Variants in DLG2 observed in about 807,000 individuals in gnomAD.
The protein encoded by DLG2 is discs large MAGUK scaffold protein 2.
Under a neutral mutation model 132.5 loss-of-function variants are expected in DLG2, and 45 were observed. The observed-to-expected ratio is 0.34, with a 90% confidence interval of 0.27 to 0.44. The LOEUF is 0.44. DLG2 is among the 20% of genes least tolerant of loss of function. The probability of loss-of-function intolerance (pLI) is 1.00; values close to 1 mark genes in which losing one functional copy is unlikely to be tolerated. For missense variants in DLG2, 1,045 were observed against 1,196.9 expected, an observed-to-expected ratio of 0.87 and a Z score of 1.87; for synonymous variants, 424 against 419.6, an observed-to-expected ratio of 1.01 and a Z score of -0.13.
intron 4 of DLG2, among the ~76,000 whole-genome samples, chr11:85,184,929 T>C (rs184976596): frequency 6.6e-6 from 1 of 152,056 alleles, no homozygotes; most frequent in Non-Finnish European, 1.5e-5. Flanking sequence ...CAAGTTGTTA[T>C]GGCAACTGGG....
Position 83,469,316 on chromosome 11 carries a change from A to C in DLG2, c.2504T>G (p.Ile835Ser). 6.2e-7 allele frequency: 1 copy of C among 1,613,856 alleles called. No homozygotes were observed. The highest frequency in any genetic ancestry group is 8.5e-7 in the Non-Finnish European group (1 of 1,179,850). Residue 835 changes from isoleucine to serine, a missense_variant, in exon 25 of 28, where the codon ATT (isoleucine) becomes AGT (serine). Ile to Ser is a moderately radical substitution (Grantham distance 142). Around this residue, in one of 4 missense-constraint regions of DLG2, gnomAD observed 398 missense variants for 543.6 expected, o/e 0.73. Transcript: ENST00000376104. ...ATCTTTCTCCATTTGTTCTCTGGAAATGACAAAGTGATAGTCTCTGCCATC... is the reference window on the plus strand; with the variant it reads ...ATCTTTCTCCATTTGTTCTCTGGAACTGACAAAGTGATAGTCTCTGCCATC... ...EVDGRDYHFV[I>S]SREQMEKDIQ...
chr11:84,352,174 A>T (rs1475434596), intron 7 of DLG2, among the ~76,000 whole-genome samples: 1 of 152,230 alleles, frequency 6.6e-6, no homozygotes, highest in Non-Finnish European at 1.5e-5. Context: ...ACAGCATGGC[A>T]TGAAGTAGAT....
intron 11 of DLG2, among the ~76,000 whole-genome samples, chr11:84,033,019 T>C (rs910075174): frequency 1.3e-5 from 2 of 152,220 alleles, no homozygotes; most frequent in Non-Finnish European, 1.5e-5. Flanking sequence ...TTGCTCATTG[T>C]CGATGCACCT....
At chr11:83,734,378 T>A (rs1328883277) in intron 18 of DLG2, among the ~76,000 whole-genome samples, 1 of 146,362 alleles carries the variant, frequency 6.8e-6, no homozygotes, top group Non-Finnish European at 1.5e-5. Context: ...CTTCCTTCCT[T>A]CCTTCCTTCC....
intron 8 of DLG2, among the ~76,000 whole-genome samples, chr11:84,214,978 T>C (rs765456611): frequency 2.6e-5 from 4 of 152,210 alleles, no homozygotes; most frequent in Non-Finnish European, 5.9e-5. Context: ...AACTGTCACC[T>C]ATGGCAGAAG....
rs116722674 is a variant in DLG2 at position 83,499,494 on chromosome 11, T to A, written c.2194-15266A>T. Among the ~76,000 whole-genome samples, 1,053 of 152,156 alleles carry A rather than the reference T, an allele frequency of 6.9e-3. 18 individuals are homozygous for A. Among genetic ancestry groups the A allele is most frequent in the African/African-American group, 0.025 (1,020 of 41,522 alleles). Reference sequence around the variant, plus strand: ...TTAAAAGTTTTGACACACTGCCAAATTGCTTTCAAATAATCTGTACGAATT... The same window carrying A: ...TTAAAAGTTTTGACACACTGCCAAAATGCTTTCAAATAATCTGTACGAATT... On this transcript the variant is annotated intron_variant, in intron 21 of 27. Coordinates refer to ENST00000376104, the MANE Select transcript of DLG2 (RefSeq NM_001142699.3).
chr11:83,872,404 T>G (rs1595741350), intron 16 of DLG2, among the ~76,000 whole-genome samples: 1 of 152,206 alleles, frequency 6.6e-6, no homozygotes, highest in South Asian at 2.1e-4. Context: ...GTAAGTTTTC[T>G]TCCATTCTTA....
intron 6 of DLG2, among the ~76,000 whole-genome samples, chr11:84,934,525 G>GTTTTTTTTTTTTTTTTTTTTTTTT (rs757894179): frequency 2.6e-4 from 10 of 38,636 alleles, no homozygotes; most frequent in Non-Finnish European, 3.9e-4. Context: ...GTTTTGTTTT[G>GTTTTTTTTTTTTTTTTTTTTTTTT]TTTTTTTTTT....
At chr11:83,891,323 G>A (rs1374301470) in intron 15 of DLG2, among the ~76,000 whole-genome samples, 1 of 152,134 alleles carries the variant, frequency 6.6e-6, no homozygotes, top group African/African-American at 2.4e-5. Context: ...AAGAAGGCAT[G>A]TCAGCCAAAA....
intron 3 of DLG2, among the ~76,000 whole-genome samples, chr11:85,325,281 A>T (rs1348848813): frequency 1.3e-5 from 2 of 152,240 alleles, no homozygotes; most frequent in East Asian, 3.9e-4. Context: ...CAGCTCAAGG[A>T]GGCCTGTCTG....
At chr11:84,586,270 T>C (rs1436996546) in intron 6 of DLG2, among the ~76,000 whole-genome samples, 1 of 152,210 alleles carries the variant, frequency 6.6e-6, no homozygotes, top group Non-Finnish European at 1.5e-5. Flanking sequence ...TATGCATAAA[T>C]TTACAATGTA....
intron 11 of DLG2, among the ~76,000 whole-genome samples, chr11:83,998,166 C>G (rs2094149892): frequency 6.6e-6 from 1 of 151,916 alleles, no homozygotes; most frequent in South Asian, 2.1e-4. Context: ...GAAAGGAATA[C>G]AATTAAAGTG....
At chr11:83,859,180 G>A (rs1215732896) in intron 16 of DLG2, among the ~76,000 whole-genome samples, 1 of 152,198 alleles carries the variant, frequency 6.6e-6, no homozygotes, top group Admixed American at 6.5e-5. Context: ...TTGGTTTGGG[G>A]AGTGGGACAC....
chr11:83,850,158 GTGTTT>G lies in DLG2; in HGVS notation c.1566-16393_1566-16389del, dbSNP rs564213341. Among the ~76,000 whole-genome samples, 93 of 127,860 alleles carry G rather than the reference GTGTTT, an allele frequency of 7.3e-4. 2 individuals are homozygous for G. Among genetic ancestry groups the G allele is most frequent in the African/African-American group, 3.5e-3 (90 of 25,816 alleles). The allele number at this position is 127,860 out of a possible 152,430, so 83.9% of individuals were successfully genotyped here. A position where few individuals can be genotyped will look rare whatever the true frequency, so the allele number is the denominator to read the frequency against. On this transcript the variant is annotated intron_variant, in intron 16 of 27. Coordinates refer to ENST00000376104, the MANE Select transcript of DLG2 (RefSeq NM_001142699.3). ...TGTGTGTGTGTGTGTGTGTGTGTGT[GTGTTT>G]TTTTACTTGAGACGGAGTCTCACTC...
intron 8 of DLG2, among the ~76,000 whole-genome samples, chr11:84,197,409 A>G (rs1349972124): frequency 1.3e-5 from 2 of 152,228 alleles, no homozygotes; most frequent in African/African-American, 4.8e-5. Context: ...ATGAATTTGT[A>G]TAGCCATTTT....
At chr11:84,350,071 G>A (rs1367170639) in intron 7 of DLG2, among the ~76,000 whole-genome samples, 11 of 151,542 alleles carry the variant, frequency 7.3e-5, no homozygotes, top group Admixed American at 5.9e-4. Flanking sequence ...CCAGCTGCTC[G>A]GGAGGCTGAG....
intron 6 of DLG2, among the ~76,000 whole-genome samples, chr11:84,852,510 G>C (rs1485078189): frequency 6.6e-6 from 1 of 151,972 alleles, no homozygotes; most frequent in Non-Finnish European, 1.5e-5. Flanking sequence ...ATGGGTGTGG[G>C]AAGTGTCAGA....
chr11:84,711,426 A>T (rs1047675484), intron 6 of DLG2, among the ~76,000 whole-genome samples: 1 of 16,154 alleles, frequency 6.2e-5, no homozygotes, highest in Non-Finnish European at 1.3e-4. Flanking sequence ...CCCACCCCCC[A>T]CACACATATG....
intron 6 of DLG2, among the ~76,000 whole-genome samples, chr11:85,065,545 A>G (rs986267065): frequency 6.8e-6 from 1 of 147,268 alleles, no homozygotes; most frequent in African/African-American, 2.4e-5. Flanking sequence ...AGCTTTTTTT[A>G]AATTTTAATT....
Sources: allele counts gnomAD v4.1 joint callset (sites outside exome capture counted in the v4.1 genomes callset), GRCh38; gene constraint gnomAD v4.1.1; regional missense constraint gnomAD v4.1.1; transcripts MANE v1.5; gene names NCBI Gene and HGNC (gene_info 2026-07-23, HGNC 2026-07-21).